The following ALG12 variants were observed in gnomAD, a reference collection of about 807,000 sequenced individuals.
ALG12 encodes the protein dol-P-Man:Man(7)GlcNAc(2)-PP-Dol alpha-1,6-mannosyltransferase.
Under a neutral mutation model 46.0 loss-of-function variants are expected in ALG12, and 36 were observed. The observed-to-expected ratio is 0.78, with a 90% CI of 0.60 to 1.03. ALG12 has a LOEUF of 1.03. Among genes scored for constraint, ALG12 ranks in the 50% least tolerant of loss-of-function variants. ALG12 has a pLI of 0.00. For missense variants in ALG12, 599 were observed against 633.5 expected (o/e 0.95, Z 0.58); for synonymous variants, 326 against 291.6 (o/e 1.12, Z -1.20).
chr22:49,874,672 C>CTTTTGTTTTTTTTTTTTTTTT, the ALG12 span, among the ~76,000 whole-genome samples: 1 of 37,314 alleles, frequency 2.7e-5, no homozygotes, highest in Non-Finnish European at 4.4e-5. Flanking sequence ...CATGCCCAGC[C>CTTTTGTTTTTTTTTTTTTTTT]TTTTTTTTTT....
chr22:49,913,100 G>A (rs1198282627), intron 3 of ALG12, among the ~76,000 whole-genome samples: 4 of 152,216 alleles, frequency 2.6e-5, no homozygotes, highest in African/African-American at 9.6e-5. Flanking sequence ...TGAGGCGGGA[G>A]CAGCAGGCTC....
At chr22:49,888,202 T>C in the ALG12 span, 2 of 167,210 alleles carry the variant, frequency 1.2e-5, no homozygotes, top group Non-Finnish European at 2.9e-5. Context: ...CAGAGTGAAG[T>C]GTCAGTTGTC....
At chr22:49,885,098 A>G in the ALG12 span, 2 of 1,613,988 alleles carry the variant, frequency 1.2e-6, no homozygotes, top group Non-Finnish European at 1.7e-6. Flanking sequence ...GAGTGTCGGT[A>G]CTGCGGCTGT....
chr22:49,891,726 C>G, the ALG12 span, among the ~76,000 whole-genome samples: 1 of 152,178 alleles, frequency 6.6e-6, no homozygotes, highest in Non-Finnish European at 1.5e-5. Context: ...CAAACTAGAT[C>G]TATTCAGGCA....
chr22:49,861,951 C>T, the ALG12 span, among the ~76,000 whole-genome samples: 7 of 152,126 alleles, frequency 4.6e-5, no homozygotes, highest in Non-Finnish European at 7.4e-5. Flanking sequence ...CAAGTTCCCC[C>T]GCACAGGCCT....
intron 7 of ALG12, 187 bp from the exon 8 acceptor site, chr22:49,904,693 G>T: frequency 1.6e-6 from 1 of 641,204 alleles, no homozygotes; most frequent in Non-Finnish European, 2.7e-6. Flanking sequence ...AGAATTGTCT[G>T]TGAAATTCTA....
intron 5 of ALG12, 74 bp downstream of exon 5, chr22:49,909,820 C>T: frequency 1.3e-6 from 2 of 1,593,674 alleles, no homozygotes; most frequent in South Asian, 1.1e-5. Context: ...GAAAACCTCC[C>T]AAATTTCTCT....
intron 1 of ALG12, among the ~76,000 whole-genome samples, chr22:49,917,653 G>A (rs1044605778): frequency 4.0e-5 from 6 of 151,762 alleles, no homozygotes; most frequent in African/African-American, 7.3e-5. Flanking sequence ...GGGCGACAAA[G>A]TGAGACTCCG....
Position 49,907,832 on chromosome 22 carries a change from A to G in ALG12, c.881T>C (p.Leu294Pro), listed in dbSNP as rs1334576165. The G allele has an allele frequency of 6.2e-7, 1 of 1,614,062 alleles. No homozygotes were observed. The highest frequency in any genetic ancestry group is 8.5e-7 in the Non-Finnish European group (1 of 1,180,004). ...GTAGAGTGCCATGAAGCCCAGTGCC[A>G]GCACCGTCGGCGCGTGCGTCCTTCT... ...VDRRTHAPTV[L>P]ALGFMALYSL... Residue 294 changes from leucine to proline, a missense_variant, in exon 7 of 10, where the codon CTG becomes CCG. Leu to Pro is a moderately conservative substitution (Grantham distance 98). Coordinates refer to ENST00000330817, the MANE Select transcript of ALG12 (RefSeq NM_024105.4).
chr22:49,872,040 G>A, the ALG12 span, among the ~76,000 whole-genome samples: 4 of 152,042 alleles, frequency 2.6e-5, no homozygotes, highest in South Asian at 4.2e-4. Flanking sequence ...CACTGCACCC[G>A]GCTGACAATT....
the ALG12 span, among the ~76,000 whole-genome samples, chr22:49,870,412 G>T: frequency 6.6e-6 from 1 of 152,142 alleles, no homozygotes; most frequent in Non-Finnish European, 1.5e-5. Context: ...ACTGCTCTCC[G>T]CAGTGGCTGA....
chr22:49,886,565 T>C, the ALG12 span: 1 of 1,556,936 alleles, frequency 6.4e-7, no homozygotes, highest in Non-Finnish European at 8.7e-7. The surrounding 1 kb of genome is among the most constrained non-coding windows in gnomAD (Gnocchi z 7.7). Context: ...AACAGGAAGG[T>C]GGAGATGCTC....
At chr22:49,894,369 T>C in the ALG12 span, among the ~76,000 whole-genome samples, 2 of 152,170 alleles carry the variant, frequency 1.3e-5, no homozygotes, top group Non-Finnish European at 2.9e-5. Context: ...GCATATTAAA[T>C]GTAAGTGGAA....
chr22:49,913,962 A>C, intron 1 of ALG12, 119 bp from the exon 2 acceptor site: 1 of 658,444 alleles, frequency 1.5e-6, no homozygotes, highest in Admixed American at 2.7e-5. Context: ...CACTACTACA[A>C]ATCTGAAAAC....
At chr22:49,899,579 C>T (rs2060495721), downstream of ALG12, among the ~76,000 whole-genome samples, 1 of 152,008 alleles carries the variant, frequency 6.6e-6, no homozygotes, top group African/African-American at 2.4e-5. Context: ...AATGGGACCA[C>T]CCTGTGGAGG....
chr22:49,890,265 C>G, the ALG12 span, among the ~76,000 whole-genome samples: 1 of 152,250 alleles, frequency 6.6e-6, no homozygotes, highest in Admixed American at 6.5e-5. Context: ...TGTGATCACA[C>G]CACTGCACTC....
chr22:49,877,419 G>A, the ALG12 span, among the ~76,000 whole-genome samples: 3 of 151,964 alleles, frequency 2.0e-5, no homozygotes, highest in Admixed American at 2.0e-4. Flanking sequence ...AGCCTCCCAA[G>A]TAGCTATTAT....
chr22:49,910,059 G>A lies in ALG12; in HGVS notation c.499C>T (p.His167Tyr). 2 of 1,611,956 alleles carry A rather than the reference G, an allele frequency of 1.2e-6. No homozygotes were observed. Residue 167 changes from histidine to tyrosine, a missense_variant, in exon 5 of 10, where the codon CAC becomes TAC. Physicochemically the swap from His to Tyr is moderately conservative, Grantham distance 83 (BLOSUM62 2). Coordinates refer to ENST00000330817, the MANE Select transcript of ALG12 (RefSeq NM_024105.4). ...VLLALAAWLRHEWARFIWLSA... is the reference protein window; with the variant it reads ...VLLALAAWLRYEWARFIWLSA... Reference sequence around the variant, plus strand: ...AGCCAGATGAAGCGGGCCCACTCGTGCCGCAGCCAGGCCGCGAGGGCCAGC... The same window carrying A: ...AGCCAGATGAAGCGGGCCCACTCGTACCGCAGCCAGGCCGCGAGGGCCAGC...
the ALG12 span, among the ~76,000 whole-genome samples, chr22:49,864,302 C>T: frequency 8.5e-5 from 13 of 152,346 alleles, no homozygotes; most frequent in African/African-American, 3.1e-4. Flanking sequence ...TGTTTTATCT[C>T]TTGCTACAAA....
Sources: allele counts gnomAD v4.1 joint callset (sites outside exome capture counted in the v4.1 genomes callset), GRCh38; gene constraint gnomAD v4.1.1; non-coding constraint Gnocchi (gnomAD v3.1); transcripts MANE v1.5; gene names NCBI Gene and HGNC (gene_info 2026-07-23, HGNC 2026-07-21).